Variants in ZNF267 observed in about 807,000 individuals in gnomAD.
The protein encoded by ZNF267 is zinc finger protein 267.
ZNF267 carries 61 observed loss-of-function variants against 71.6 expected under a neutral mutation model. The observed-to-expected ratio is 0.85, with a 90% CI of 0.69 to 1.05. ZNF267 has a LOEUF of 1.05. Ranked by LOEUF, ZNF267 falls within the 50% of genes least tolerant of loss-of-function variation. The pLI is 0.00. For missense variants in ZNF267, 852 were observed against 870.0 expected (o/e 0.98, Z 0.26); for synonymous variants, 288 against 293.2 (o/e 0.98, Z 0.18).
intron 3 of ZNF267, among the ~76,000 whole-genome samples, chr16:31,899,164 G>A (rs1180333813): frequency 6.6e-6 from 1 of 152,182 alleles, no homozygotes. Context: ...CTTGAAGTCA[G>A]CTCTGGACCA....
At chr16:31,881,456 C>T (rs923458159) in intron 1 of ZNF267, among the ~76,000 whole-genome samples, 1 of 152,104 alleles carries the variant, frequency 6.6e-6, no homozygotes, top group Non-Finnish European at 1.5e-5. Flanking sequence ...CTCACAATTT[C>T]CCCAAACCCA....
intron 1 of ZNF267, among the ~76,000 whole-genome samples, chr16:31,875,888 C>T (rs1333663035): frequency 6.6e-6 from 1 of 152,134 alleles, no homozygotes; most frequent in Non-Finnish European, 1.5e-5. Flanking sequence ...ATTAAAATAT[C>T]AAGTCATACT....
At chr16:31,904,390 T>A (rs537906221) in intron 3 of ZNF267, among the ~76,000 whole-genome samples, 34 of 152,372 alleles carry the variant, frequency 2.2e-4, no homozygotes, top group Admixed American at 1.3e-4. Context: ...AATGGGTTGT[T>A]AAATCTCCCA....
intron 2 of ZNF267, 80 bp from the exon 3 acceptor site, chr16:31,885,081 G>A: frequency 1.7e-6 from 2 of 1,197,726 alleles, no homozygotes; most frequent in South Asian, 3.6e-5. Flanking sequence ...ATCCTGTCCT[G>A]TGGGGCCAAA....
rs1489161272 is a variant in ZNF267 at position 31,885,234 on chromosome 16, G to C, written c.204G>C (p.Glu68Asp). The stretch of plus-strand genomic sequence containing the variant: ...AAGAGCCTTGGAATGTGAAGAGTGA[G>C]GAGACAGTAGCCATCCAGCCAGGTA... Reference protein sequence around the residue: ...QRKEPWNVKSEETVAIQPDVF... With the variant: ...QRKEPWNVKSDETVAIQPDVF... Residue 68 changes from glutamate to aspartate, a missense_variant, in exon 3 of 4, where the codon GAG (glutamate) becomes GAC (aspartate). Physicochemically the swap from Glu to Asp is conservative, Grantham distance 45. Transcript: ENST00000300870. 1.2e-6 allele frequency: 2 copies of C among 1,608,126 alleles called. No homozygotes were observed. The highest frequency in any genetic ancestry group is 2.2e-5 in the East Asian group (1 of 44,788).
In ZNF267 at chr16:31,915,356, A is replaced by C. The variant is rs1048923768; in HGVS notation, c.1107A>C (p.Lys369Asn). The change falls in exon 4 of 4, where the codon AAA becomes AAC. Residue 369 changes from lysine (K) to asparagine (N), a missense_variant. By Grantham distance (94) the Lys-to-Asn change is moderately conservative. Coordinates refer to ENST00000300870, the MANE Select transcript of ZNF267 (RefSeq NM_003414.6). ...FNLNCSLYLT[K>N]QQQIDTGENL... ...TTAACTGTAGTTTATACCTTACTAA[A>C]CAGCAGCAAATTGATACTGGAGAAA... 2.5e-6 allele frequency: 4 copies of C among 1,613,558 alleles called. No individual in the cohort carries two copies. Among genetic ancestry groups the C allele is most frequent in the Non-Finnish European group, 3.4e-6 (4 of 1,179,818 alleles).
chr16:31,898,971 C>T (rs1160382816), intron 3 of ZNF267, among the ~76,000 whole-genome samples: 4 of 152,000 alleles, frequency 2.6e-5, no homozygotes, highest in Non-Finnish European at 4.4e-5. Flanking sequence ...GGATCAATTC[C>T]GCAAGAAGAG....
intron 3 of ZNF267, among the ~76,000 whole-genome samples, chr16:31,894,060 AAGCCTGC>A (rs2083979295): frequency 6.6e-6 from 1 of 152,230 alleles, no homozygotes; most frequent in Admixed American, 6.5e-5. Context: ...CATGATCAGC[AAGCCTGC>A]CACTTGGCCA....
chr16:31,881,314 A>G (rs1157526458), intron 1 of ZNF267, among the ~76,000 whole-genome samples: 2 of 152,094 alleles, frequency 1.3e-5, no homozygotes, highest in African/African-American at 4.8e-5. Context: ...CCCCTGCCCC[A>G]GCTCTGCCCA....
chr16:31,900,972 C>A (rs936450851), intron 3 of ZNF267, among the ~76,000 whole-genome samples: 3 of 151,888 alleles, frequency 2.0e-5, no homozygotes, highest in African/African-American at 7.3e-5. Flanking sequence ...CACAACGGGC[C>A]CCAGTGTGTG....
chr16:31,886,194 C>T (rs1327691224), intron 3 of ZNF267, among the ~76,000 whole-genome samples: 1 of 152,076 alleles, frequency 6.6e-6, no homozygotes, highest in Non-Finnish European at 1.5e-5. Flanking sequence ...TAATGACTAA[C>T]ACAGCAAAGT....
intron 3 of ZNF267, among the ~76,000 whole-genome samples, chr16:31,894,127 G>A (rs1227080905): frequency 6.6e-6 from 1 of 152,230 alleles, no homozygotes; most frequent in Non-Finnish European, 1.5e-5. Context: ...CAAAAGTAGT[G>A]ATTCTCTCTT....
Position 31,895,251 on chromosome 16 carries a change from C to T in ZNF267, c.226+9995C>T, listed in dbSNP as rs12446802. ...TCTACATATGGCTTATTTCACTTAA[C>T]ATGAGATTCTCCAAGTCCATCCATG... On this transcript the variant is annotated intron_variant, in intron 3 of 3. Coordinates refer to ENST00000300870, the MANE Select transcript of ZNF267 (RefSeq NM_003414.6). Among the ~76,000 whole-genome samples, 3 of 152,178 alleles carry T rather than the reference C, an allele frequency of 2.0e-5. No individual in the cohort carries two copies. In the East Asian group the frequency reaches 5.8e-4, roughly 29 times the overall value.
intron 3 of ZNF267, among the ~76,000 whole-genome samples, chr16:31,894,096 G>A (rs994082488): frequency 1.3e-5 from 2 of 152,212 alleles, no homozygotes; most frequent in East Asian, 3.8e-4. Context: ...GTCTAAGGTC[G>A]ACCAGCAAGG....
intron 3 of ZNF267, among the ~76,000 whole-genome samples, chr16:31,908,353 T>C (rs1876760237): frequency 2.0e-5 from 3 of 152,236 alleles, no homozygotes; most frequent in Admixed American, 2.0e-4. Context: ...CTGTGGGTTG[T>C]TTCTTCACTT....
At chr16:31,885,034 A>G in intron 2 of ZNF267, 127 bp from the exon 3 acceptor site, 1 of 616,214 alleles carries the variant, frequency 1.6e-6, no homozygotes, top group Non-Finnish European at 2.5e-6. Context: ...ATAATGTCTT[A>G]TTTTTTCTAC....
intron 1 of ZNF267, among the ~76,000 whole-genome samples, chr16:31,879,003 T>C (rs972565200): frequency 6.6e-6 from 1 of 152,240 alleles, no homozygotes; most frequent in Non-Finnish European, 1.5e-5. Context: ...TATTTTTCTG[T>C]TTTACAACCT....
intron 1 of ZNF267, among the ~76,000 whole-genome samples, chr16:31,874,641 T>G (rs2083838897): frequency 1.3e-5 from 2 of 152,218 alleles, no homozygotes; most frequent in South Asian, 4.1e-4. Flanking sequence ...CATTTGAGTT[T>G]GGTTTTGGTT....
intron 3 of ZNF267, among the ~76,000 whole-genome samples, chr16:31,901,078 G>A (rs1228144124): frequency 1.3e-5 from 2 of 152,028 alleles, no homozygotes; most frequent in Non-Finnish European, 2.9e-5. Context: ...GGGATGGTTT[G>A]CTGAGAATGA....
Sources: allele counts gnomAD v4.1 joint callset (sites outside exome capture counted in the v4.1 genomes callset), GRCh38; gene constraint gnomAD v4.1.1; transcripts MANE v1.5; gene names NCBI Gene and HGNC (gene_info 2026-07-23, HGNC 2026-07-21).